Variants in SCAP observed in about 807,000 individuals in gnomAD.
The protein encoded by SCAP is sterol regulatory element-binding protein cleavage-activating protein.
SCAP carries 65 observed loss-of-function variants against 123.6 expected under a neutral mutation model. That is an observed-to-expected ratio of 0.53 (90% CI 0.43 to 0.65). The LOEUF (loss-of-function observed/expected upper bound fraction) is 0.65. Among genes scored for constraint, SCAP ranks in the 30% least tolerant of loss-of-function variants. The pLI, the probability that SCAP is intolerant of heterozygous loss-of-function variation, is 0.00. For synonymous variants in SCAP, 740 were observed against 726.3 expected, an observed-to-expected ratio of 1.02 and a Z score of -0.30; for missense variants, 1,398 against 1,712.5, an observed-to-expected ratio of 0.82 and a Z score of 3.24.
intron 1 of SCAP, among the ~76,000 whole-genome samples, chr3:47,462,945 C>A (rs961301190): frequency 2.0e-5 from 3 of 152,046 alleles, no homozygotes; most frequent in Non-Finnish European, 4.4e-5. Flanking sequence ...CTCAGCCTGA[C>A]TCCTGGCTCC....
At chr3:47,433,253 G>A (rs1706438896) in intron 3 of SCAP, among the ~76,000 whole-genome samples, 1 of 152,178 alleles carries the variant, frequency 6.6e-6, no homozygotes, top group Non-Finnish European at 1.5e-5. Context: ...TCTTTATCAA[G>A]GACAGCCAAT....
rs533730649 is a variant in SCAP, at chr3:47,450,827, T to C, written c.-98-7736A>G. 1.6e-3 allele frequency among the ~76,000 whole-genome samples: 191 copies of C among 122,058 alleles called. 56 individuals carry two copies. The highest frequency in any genetic ancestry group is 4.4e-3 in the Admixed American group (49 of 11,056). 80.1% of individuals were successfully genotyped at this position (122,058 alleles called of 152,430 possible). ...TTTTAAACTCAAATCTCAGTATCTT[T>C]ACATTTTTCACTATAAGCATTTATT... is the stretch of plus-strand genomic sequence containing the variant. On this transcript the variant is annotated intron_variant, in intron 1 of 22. Transcript: ENST00000265565.
At chr3:47,456,161 G>C (rs1347732247) in intron 1 of SCAP, among the ~76,000 whole-genome samples, 1 of 152,202 alleles carries the variant, frequency 6.6e-6, no homozygotes, top group Non-Finnish European at 1.5e-5. Flanking sequence ...CCAGCACTTT[G>C]GGAAGTCAAG....
rs1706176643 is a variant in SCAP, at chr3:47,427,279, G to GCAGGTACTGACACAGAAATGA, written c.632-38_632-18dup. On this transcript the variant is annotated splice_polypyrimidine_tract_variant and intron_variant, in intron 5 of 22. Coordinates refer to ENST00000265565, the MANE Select transcript of SCAP (RefSeq NM_012235.4). ...ATAACAAGTCTGCAAGCAGAAACCA[G>GCAGGTACTGACACAGAAATGA]CAGGTACTGACACAGAAATGACAGC... 2 of 1,602,762 alleles carry GCAGGTACTGACACAGAAATGA rather than the reference G, an allele frequency of 1.2e-6. No homozygotes were observed. The highest frequency in any genetic ancestry group is 8.5e-7 in the Non-Finnish European group (1 of 1,169,926).
intron 8 of SCAP, 59 bp from the exon 9 acceptor site, chr3:47,424,104 G>A (rs542628262): frequency 3.0e-6 from 4 of 1,334,938 alleles, no homozygotes; most frequent in Admixed American, 1.7e-5. Flanking sequence ...ACAGACTGGG[G>A]CCCTCAGGAA....
intron 2 of SCAP, 139 bp from the exon 3 acceptor site, chr3:47,435,276 TTGCAAAGC>T (rs1354685242): frequency 1.0e-6 from 1 of 985,904 alleles, no homozygotes; most frequent in African/African-American, 1.7e-5. Context: ...AATCACAAAA[TTGCAAAGC>T]TGAAACTCAG....
intron 1 of SCAP, among the ~76,000 whole-genome samples, chr3:47,472,487 A>C (rs957139730): frequency 7.2e-6 from 1 of 139,378 alleles, no homozygotes; most frequent in African/African-American, 2.6e-5. Flanking sequence ...ATAATAATTA[A>C]ATGAAGCTGA....
At position 47,413,741 on chromosome 3, in the gene SCAP, C is replaced by A; in HGVS notation, c.*113G>T. The A allele has an allele frequency of 7.3e-7, 1 of 1,372,362 alleles. No individual in the cohort carries two copies. Among genetic ancestry groups the A allele is most frequent in the Non-Finnish European group, 9.9e-7 (1 of 1,008,210 alleles). The allele number at this position is 1,372,362 out of a possible 1,614,324, so 85.0% of individuals were successfully genotyped here. On this transcript the variant is annotated 3_prime_UTR_variant, in exon 23 of 23. Coordinates refer to ENST00000265565, the MANE Select transcript of SCAP (RefSeq NM_012235.4). ...TTTTTAAAAAAGTTTAATATTATTACAGTCAGGAGGCAGCGGCTGGAAGAT... is the reference window on the plus strand; with the variant it reads ...TTTTTAAAAAAGTTTAATATTATTAAAGTCAGGAGGCAGCGGCTGGAAGAT...
At chr3:47,421,688 T>C (rs920270828) in intron 10 of SCAP, among the ~76,000 whole-genome samples, 2 of 152,256 alleles carry the variant, frequency 1.3e-5, no homozygotes, top group Non-Finnish European at 2.9e-5. Flanking sequence ...GACTGTACCC[T>C]ATCCTGCAGA....
intron 1 of SCAP, among the ~76,000 whole-genome samples, chr3:47,474,416 TGTTTTTTACATCATGTG>T (rs1708189232): frequency 6.6e-6 from 1 of 152,240 alleles, no homozygotes; most frequent in Admixed American, 6.5e-5. Context: ...ATTTATATAG[TGTTTTTTACATCATGTG>T]CTCAGTGGGA....
At chr3:47,441,874 C>CTTTTTTTTT (rs1160447716) in intron 2 of SCAP, among the ~76,000 whole-genome samples, 11 of 76,400 alleles carry the variant, frequency 1.4e-4, no homozygotes, top group African/African-American at 2.7e-4. Context: ...GTTCATCTTT[C>CTTTTTTTTT]TTTTTTTTTT....
intron 1 of SCAP, among the ~76,000 whole-genome samples, chr3:47,446,684 G>C (rs1425812886): frequency 2.0e-5 from 3 of 151,972 alleles, no homozygotes; most frequent in Non-Finnish European, 4.4e-5. Context: ...ACTCATGCCT[G>C]TAATCCCAAC....
intron 1 of SCAP, among the ~76,000 whole-genome samples, chr3:47,463,841 TTTTTG>T (rs1033219066): frequency 3.9e-5 from 6 of 152,124 alleles, no homozygotes; most frequent in African/African-American, 1.2e-4. Context: ...GTTTTTTGGT[TTTTTG>T]TTTTATTTTT....
intron 4 of SCAP, among the ~76,000 whole-genome samples, chr3:47,428,280 T>C (rs1452610782): frequency 6.6e-6 from 1 of 152,072 alleles, no homozygotes; most frequent in Non-Finnish European, 1.5e-5. Context: ...CCATCTGAGA[T>C]GTAAGGATGA....
At chr3:47,454,168 C>T (rs1707323954) in intron 1 of SCAP, among the ~76,000 whole-genome samples, 1 of 151,726 alleles carries the variant, frequency 6.6e-6, no homozygotes, top group Admixed American at 6.6e-5. Flanking sequence ...GAGATTGAGA[C>T]CATCCTGGCT....
intron 14 of SCAP, 39 bp from the exon 15 acceptor site, chr3:47,418,561 A>G (rs1705746056): frequency 6.4e-7 from 1 of 1,560,616 alleles, no homozygotes; most frequent in Non-Finnish European, 8.7e-7. Flanking sequence ...CACACCTCAC[A>G]GCCTGTCCCC....
At chr3:47,428,037 G>A (rs1706214877) in intron 4 of SCAP, among the ~76,000 whole-genome samples, 1 of 152,158 alleles carries the variant, frequency 6.6e-6, no homozygotes, top group Non-Finnish European at 1.5e-5. Flanking sequence ...AACGCCACTA[G>A]CTAACTAAAA....
chr3:47,418,366 T>C lies in SCAP; in HGVS notation c.2286A>G (p.Pro762=). The C allele has an allele frequency of 6.4e-7, 1 of 1,571,804 alleles. No individual in the cohort carries two copies. The highest frequency in any genetic ancestry group is 8.6e-7 in the Non-Finnish European group (1 of 1,161,110). The change falls in exon 15 of 23, where the codon CCA becomes CCG. Residue 762 remains proline (P), a synonymous_variant. Coordinates refer to ENST00000265565, the MANE Select transcript of SCAP (RefSeq NM_012235.4). The part of the protein sequence containing the change: ...ELPCDDYGYA[P]PETEIVPLVL... ...CAAGCGGCACGATCTCCGTCTCGGGTGGCGCATAGCCGTAGTCGTCGCAGG... is the reference window on the plus strand; with the variant it reads ...CAAGCGGCACGATCTCCGTCTCGGGCGGCGCATAGCCGTAGTCGTCGCAGG...
intron 2 of SCAP, among the ~76,000 whole-genome samples, chr3:47,441,874 CTTT>C (rs1160447716): frequency 8.6e-4 from 66 of 76,412 alleles, no homozygotes; most frequent in African/African-American, 3.1e-3. Flanking sequence ...GTTCATCTTT[CTTT>C]TTTTTTTTTT....
Sources: gnomAD v4.1 joint callset for allele counts (sites outside exome capture counted in the v4.1 genomes callset) on GRCh38, gnomAD v4.1.1 for gene constraint, MANE v1.5 for transcripts, NCBI Gene and HGNC (gene_info 2026-07-23, HGNC 2026-07-21) for gene names.